The following RBPJ variants were observed in gnomAD, a reference collection of about 807,000 sequenced individuals.
RBPJ encodes recombining binding protein suppressor of hairless.
In RBPJ, 9 loss-of-function variants were observed where a neutral mutation model predicts 67.8. That is an observed-to-expected ratio of 0.13 (90% confidence interval 0.08 to 0.23). RBPJ has a LOEUF of 0.23. Ranked by LOEUF, RBPJ falls within the 10% of genes least tolerant of loss-of-function variation. RBPJ has a pLI of 1.00. For missense variants in RBPJ, 305 were observed against 595.6 expected (o/e 0.51, Z 5.08); for synonymous variants, 198 against 203.3 (o/e 0.97, Z 0.22).
intron 7 of RBPJ, among the ~76,000 whole-genome samples, chr4:26,427,963 C>G (rs1006550294): frequency 6.6e-6 from 1 of 152,154 alleles, no homozygotes; most frequent in African/African-American, 2.4e-5. Context: ...ATAGTATTAT[C>G]TTTCAGATAT....
the RBPJ span, among the ~76,000 whole-genome samples, chr4:26,106,924 C>T: frequency 6.6e-6 from 1 of 152,034 alleles, no homozygotes; most frequent in Non-Finnish European, 1.5e-5. Flanking sequence ...AGCTGACTGA[C>T]CTAGGGGAAA....
At chr4:26,237,914 T>G (rs1012095199) in intron 1 of RBPJ, among the ~76,000 whole-genome samples, 1 of 152,192 alleles carries the variant, frequency 6.6e-6, no homozygotes, top group African/African-American at 2.4e-5. Flanking sequence ...GGTCTCACTA[T>G]GTTGACCAAG....
At chr4:26,360,850 T>A (rs1727978311) in intron 1 of RBPJ, among the ~76,000 whole-genome samples, 1 of 151,554 alleles carries the variant, frequency 6.6e-6, no homozygotes, top group Non-Finnish European at 1.5e-5. Flanking sequence ...CCTCAGGTGA[T>A]CCACCCACCT....
At chr4:26,205,461 A>G (rs1718137040) in intron 1 of RBPJ, among the ~76,000 whole-genome samples, 1 of 152,116 alleles carries the variant, frequency 6.6e-6, no homozygotes, top group Non-Finnish European at 1.5e-5. Flanking sequence ...GCACAGTCCT[A>G]CATTGCTGCA....
chr4:26,127,076 T>G, the RBPJ span, among the ~76,000 whole-genome samples: 1 of 152,214 alleles, frequency 6.6e-6, no homozygotes, highest in Non-Finnish European at 1.5e-5. Context: ...GGATATGGGC[T>G]TCCCTGGGAA....
At chr4:26,178,607 C>CAAA (rs1173498137) in intron 1 of RBPJ, among the ~76,000 whole-genome samples, 65 of 58,032 alleles carry the variant, frequency 1.1e-3, no homozygotes, top group East Asian at 1.7e-3. Flanking sequence ...GACCCCGTAT[C>CAAA]AAAAAAAAAA....
chr4:26,319,020 AAGAAAC>A (rs1722771665), upstream of RBPJ, among the ~76,000 whole-genome samples: 3 of 150,778 alleles, frequency 2.0e-5, no homozygotes, highest in Non-Finnish European at 4.4e-5. Context: ...AAAAAAAAAA[AAGAAAC>A]CAATTGCTAA....
intron 1 of RBPJ, among the ~76,000 whole-genome samples, chr4:26,204,837 G>A (rs1457225860): frequency 1.3e-5 from 2 of 152,178 alleles, no homozygotes; most frequent in East Asian, 3.8e-4. Context: ...GTTAACAGTA[G>A]CCTTGTTTTA....
intron 1 of RBPJ, among the ~76,000 whole-genome samples, chr4:26,265,017 A>G (rs966778750): frequency 6.6e-6 from 1 of 152,220 alleles, no homozygotes; most frequent in Non-Finnish European, 1.5e-5. Context: ...ATTCATAGGG[A>G]AGAGAAAAAT....
At chr4:26,237,606 T>C (rs1430367373) in intron 1 of RBPJ, among the ~76,000 whole-genome samples, 2 of 152,166 alleles carry the variant, frequency 1.3e-5, no homozygotes, top group East Asian at 3.8e-4. Flanking sequence ...GGAAGATGCT[T>C]GTGATAAGTG....
chr4:26,233,008 C>T (rs1243633911), intron 1 of RBPJ, among the ~76,000 whole-genome samples: 2 of 152,096 alleles, frequency 1.3e-5, no homozygotes, highest in Non-Finnish European at 2.9e-5. Context: ...ATAATTGGAC[C>T]AAAGTCTCAC....
chr4:26,138,077 A>ATAGC, the RBPJ span, among the ~76,000 whole-genome samples: 1 of 152,188 alleles, frequency 6.6e-6, no homozygotes, highest in Non-Finnish European at 1.5e-5. Context: ...ATCTGCTGCT[A>ATAGC]TAAGTTGAGA....
chr4:26,245,210 T>A lies in RBPJ; in HGVS notation c.-167+81596T>A, dbSNP rs531911835. On this transcript the variant is annotated intron_variant, in intron 1 of 4. Transcript: ENST00000512351. ...CCTGGCAATCACTATTGTATTTTTT[T>A]TTTTTTTTTTTTTTTTGAGTTGGAG... Among the ~76,000 whole-genome samples, 3 of 143,274 alleles carry A rather than the reference T, an allele frequency of 2.1e-5. No homozygotes were observed. In the South Asian group the frequency reaches 6.8e-4, roughly 32 times the overall value. The allele number at this position is 143,274 out of a possible 152,430, so 94.0% of individuals were successfully genotyped here. A position where few individuals can be genotyped will look rare whatever the true frequency, so the allele number is the denominator to read the frequency against.
At chr4:26,391,626 G>A (rs1482073901) in intron 2 of RBPJ, among the ~76,000 whole-genome samples, 1 of 152,174 alleles carries the variant, frequency 6.6e-6, no homozygotes, top group Non-Finnish European at 1.5e-5. Context: ...AACACAATCT[G>A]TGGAAGAAAT....
chr4:26,231,040 A>G (rs1425742419), intron 1 of RBPJ, among the ~76,000 whole-genome samples: 3 of 152,216 alleles, frequency 2.0e-5, no homozygotes, highest in Non-Finnish European at 2.9e-5. Flanking sequence ...AACATCAGCA[A>G]AAGTGATGGA....
chr4:26,318,965 C>G (rs910188417), upstream of RBPJ, among the ~76,000 whole-genome samples: 2 of 132,358 alleles, frequency 1.5e-5, no homozygotes, highest in African/African-American at 5.4e-5. Context: ...CCACTGCACT[C>G]TAGCCTAGGC....
At chr4:26,163,562 T>C (rs1016599227) in exon 1 of RBPJ, 15 of 152,192 alleles carry the variant, frequency 9.9e-5, no homozygotes, top group Non-Finnish European at 1.5e-5. Flanking sequence ...AAGAACAACC[T>C]GTATTGAGTT....
rs565669658 is a variant in RBPJ, at chr4:26,199,255, C to G, written c.-167+35641C>G. Among the ~76,000 whole-genome samples, 137 of 152,216 alleles carry G rather than the reference C, an allele frequency of 9.0e-4. 1 individual carries two copies. Among genetic ancestry groups the G allele is most frequent in the Non-Finnish European group, 1.6e-3 (107 of 68,008 alleles). On this transcript the variant is annotated intron_variant, in intron 1 of 4. Coordinates refer to the RBPJ transcript ENST00000512351. ...GGTCAGGAGATCGAGACCATCCTGG[C>G]CAACATGGTGAAACCCCATCTCTAC...
At chr4:26,245,600 T>C (rs554816085) in intron 1 of RBPJ, among the ~76,000 whole-genome samples, 1 of 152,366 alleles carries the variant, frequency 6.6e-6, no homozygotes, top group Non-Finnish European at 1.5e-5. Context: ...CAGTTTATTT[T>C]TTCTTTTGAT....
Sources: gnomAD v4.1 joint callset for allele counts (sites outside exome capture counted in the v4.1 genomes callset) on GRCh38, gnomAD v4.1.1 for gene constraint, MANE v1.5 for transcripts, NCBI Gene and HGNC (gene_info 2026-07-23, HGNC 2026-07-21) for gene names.